Variants in PCDHGA2 observed in about 807,000 individuals in gnomAD.
The protein encoded by PCDHGA2 is protocadherin gamma subfamily A, 2.
In PCDHGA2, 40 loss-of-function variants were observed where a neutral mutation model predicts 59.2. That is an observed-to-expected ratio of 0.68 (90% CI 0.52 to 0.88). The LOEUF (loss-of-function observed/expected upper bound fraction) is 0.88. PCDHGA2 is among the 40% of genes least tolerant of loss of function. The probability of loss-of-function intolerance (pLI) is 0.00; values close to 1 mark genes in which losing one functional copy is unlikely to be tolerated. For synonymous variants in PCDHGA2, 560 were observed against 526.0 expected, an observed-to-expected ratio of 1.06 and a Z score of -0.89; for missense variants, 1,226 against 1,204.0, an observed-to-expected ratio of 1.02 and a Z score of -0.27.
chr5:141,430,795 G>T (rs918154748), intron 1 of PCDHGA2: 7 of 1,522,458 alleles, frequency 4.6e-6, no homozygotes, highest in Non-Finnish European at 6.2e-6. Flanking sequence ...ACTACAAAGG[G>T]CTTGTCCTGC....
At chr5:141,419,407 G>A (rs1426208057) in intron 1 of PCDHGA2, 20 of 1,613,396 alleles carry the variant, frequency 1.2e-5, no homozygotes, top group Non-Finnish European at 1.4e-5. Flanking sequence ...TGGTGTTCGC[G>A]CAGCGCGCCT....
intron 1 of PCDHGA2, chr5:141,374,782 A>C (rs781674966): frequency 5.6e-6 from 9 of 1,613,904 alleles, no homozygotes; most frequent in Non-Finnish European, 7.6e-6. Flanking sequence ...TAACAGTTCT[A>C]GATGTGAATG....
Position 141,512,160 on chromosome 5 carries a change from G to A in PCDHGA2, c.*987G>A, listed in dbSNP as rs1227447365. On this transcript the variant is annotated 3_prime_UTR_variant, in exon 4 of 4. Coordinates refer to ENST00000394576, the MANE Select transcript of PCDHGA2 (RefSeq NM_018915.4). ...CAGCCAGCTTTGGGCTGAGCTAACA[G>A]GACCAATGGATTAAACTGGCATTTC... 1 of 152,730 alleles carries A rather than the reference G, an allele frequency of 6.5e-6. No individual in the cohort carries two copies. Among genetic ancestry groups the A allele is most frequent in the African/African-American group, 2.4e-5 (1 of 41,456 alleles). The allele number at this position is 152,730 out of a possible 1,614,324, so 9.5% of individuals were successfully genotyped here.
At chr5:141,392,871 C>T (rs2092620267) in intron 1 of PCDHGA2, 2 of 1,613,280 alleles carry the variant, frequency 1.2e-6, no homozygotes, top group Admixed American at 1.7e-5. Flanking sequence ...GTGCGCGCTG[C>T]TGGGAACGCT....
rs757510956 is a variant in PCDHGA2, at chr5:141,339,246, G to A, written c.275G>A (p.Arg92Gln). 6.2e-7 allele frequency: 1 copy of A among 1,614,174 alleles called. No individual in the cohort carries two copies. Among genetic ancestry groups the A allele is most frequent in the Non-Finnish European group, 8.5e-7 (1 of 1,180,036 alleles). ...TTGGTCACTGCGAACAGGATAGACC[G>A]GGAGGAGCTCTGCGCTCAGAGCGCA... Reference protein sequence around the residue: ...GSLVTANRIDREELCAQSAPC... With the variant: ...GSLVTANRIDQEELCAQSAPC... Residue 92 changes from arginine to glutamine, a missense_variant, in exon 1 of 4, where the codon CGG becomes CAG. Physicochemically the swap from Arg to Gln is conservative, Grantham distance 43 (BLOSUM62 1). Transcript: ENST00000394576.
intron 1 of PCDHGA2, chr5:141,392,261 A>C (rs2150475228): frequency 6.6e-6 from 1 of 152,338 alleles, no homozygotes; most frequent in Admixed American, 6.5e-5. Flanking sequence ...TATTGGAGAC[A>C]TTTACAATAA....
At chr5:141,469,081 A>C (rs1451214440) in intron 1 of PCDHGA2, among the ~76,000 whole-genome samples, 1 of 151,790 alleles carries the variant, frequency 6.6e-6, no homozygotes, top group Non-Finnish European at 1.5e-5. Context: ...GTTTGAGACC[A>C]TTCTAGGCAA....
At chr5:141,399,644 A>G (rs2093855347) in intron 1 of PCDHGA2, 2 of 1,613,810 alleles carry the variant, frequency 1.2e-6, no homozygotes, top group Non-Finnish European at 8.5e-7. Context: ...ATGAGCGCGC[A>G]AAGTGGGGTG....
Position 141,476,214 on chromosome 5 carries a change from T to C in PCDHGA2, c.2425-18593T>C, listed in dbSNP as rs768153063. 1 of 1,613,974 alleles carries C rather than the reference T, an allele frequency of 6.2e-7. No homozygotes were observed. Among genetic ancestry groups the C allele is most frequent in the African/African-American group, 1.3e-5 (1 of 74,990 alleles). ...GCCTTGAACAAGGCTTCCACGGTCA[T>C]TCACTATGAGATCCCGGAGGAAAGA... On this transcript the variant is annotated intron_variant, in intron 1 of 3. Coordinates refer to ENST00000394576, the MANE Select transcript of PCDHGA2 (RefSeq NM_018915.4). The surrounding 1 kb of genome is among the most constrained non-coding windows in gnomAD (Gnocchi z 7.6).
intron 1 of PCDHGA2, among the ~76,000 whole-genome samples, chr5:141,401,860 A>G (rs2094201565): frequency 6.6e-6 from 1 of 152,182 alleles, no homozygotes. Flanking sequence ...TTAACCTTTC[A>G]GTAGTTTTCT....
chr5:141,365,390 A>T (rs1763883184), intron 1 of PCDHGA2: 1 of 1,613,850 alleles, frequency 6.2e-7, no homozygotes, highest in African/African-American at 1.3e-5. Context: ...CTCTCTGACC[A>T]GTTCGATCTC....
intron 1 of PCDHGA2, among the ~76,000 whole-genome samples, chr5:141,483,648 TTGTGTGTG>T (rs111458813): frequency 6.7e-6 from 1 of 149,592 alleles, no homozygotes; most frequent in Non-Finnish European, 1.5e-5. Flanking sequence ...GGGTGTGTGT[TTGTGTGTG>T]TGTGTGTGTG....
intron 1 of PCDHGA2, chr5:141,423,696 T>A: frequency 4.0e-6 from 6 of 1,492,822 alleles, no homozygotes; most frequent in Non-Finnish European, 5.3e-6. Flanking sequence ...ATTGTTGGTG[T>A]CTTGGCACAA....
rs78612001 is a variant in PCDHGA2 at position 141,432,435 on chromosome 5, C to A, written c.2425-62372C>A. ...TTCGTGCTGGACCAGAACGACAATG[C>A]GCCCGAGATCCTGTACCCCGCCCTC... On this transcript the variant is annotated intron_variant, in intron 1 of 3. Coordinates refer to ENST00000394576, the MANE Select transcript of PCDHGA2 (RefSeq NM_018915.4). The surrounding 1 kb of genome is among the most constrained non-coding windows in gnomAD (Gnocchi z 6.0). The A allele has an allele frequency of 0.027, 43,228 of 1,614,212 alleles. 830 individuals are homozygous for A. The highest frequency in any genetic ancestry group is 0.092 in the African/African-American group (6,903 of 75,054).
chr5:141,417,236 A>T (rs1387216221), intron 1 of PCDHGA2: 2 of 152,220 alleles, frequency 1.3e-5, no homozygotes, highest in Admixed American at 1.3e-4. Flanking sequence ...TTTGTTGCTT[A>T]TCTTCAGTAC....
At chr5:141,373,775 C>A in intron 1 of PCDHGA2, 1 of 265,272 alleles carries the variant, frequency 3.8e-6, no homozygotes, top group Non-Finnish European at 7.0e-6. Flanking sequence ...GTCATCTCTG[C>A]AGATTTAGCA....
intron 1 of PCDHGA2, chr5:141,344,139 T>G: frequency 1.2e-6 from 2 of 1,613,980 alleles, no homozygotes; most frequent in Non-Finnish European, 1.7e-6. Context: ...CTACTCGGTG[T>G]CTGAGGAGCT....
chr5:141,426,643 T>C (rs1280631056), intron 1 of PCDHGA2: 1 of 411,758 alleles, frequency 2.4e-6, no homozygotes, highest in Non-Finnish European at 5.0e-6. Flanking sequence ...CACATAAATG[T>C]GATGATAGAA....
chr5:141,375,929 C>T, intron 1 of PCDHGA2: 1 of 1,613,738 alleles, frequency 6.2e-7, no homozygotes, highest in South Asian at 1.1e-5. Context: ...CGAGCCAGGA[C>T]TTTTCTCAGT....
Sources: gnomAD v4.1 joint callset for allele counts (sites outside exome capture counted in the v4.1 genomes callset) on GRCh38, gnomAD v4.1.1 for gene constraint, Gnocchi (gnomAD v3.1) non-coding constraint, MANE v1.5 for transcripts, NCBI Gene and HGNC (gene_info 2026-07-23, HGNC 2026-07-21) for gene names.